Variants in LAMA3 observed in about 807,000 individuals in gnomAD.
LAMA3 encodes laminin subunit alpha 3.
In LAMA3, 281 loss-of-function variants were observed where a neutral mutation model predicts 402.0. The observed-to-expected ratio is 0.70, with a 90% CI of 0.63 to 0.77. The LOEUF (loss-of-function observed/expected upper bound fraction) is 0.77. Among genes scored for constraint, LAMA3 ranks in the 30% least tolerant of loss-of-function variants. The probability of loss-of-function intolerance (pLI) is 0.00; values close to 1 mark genes in which losing one functional copy is unlikely to be tolerated. For missense variants in LAMA3, 3,840 were observed against 4,215.5 expected (o/e 0.91, Z 2.47); for synonymous variants, 1,431 against 1,558.4 (o/e 0.92, Z 1.93).
At chr18:23,744,515 G>A (rs1385011766) in intron 2 of LAMA3, among the ~76,000 whole-genome samples, 1 of 151,984 alleles carries the variant, frequency 6.6e-6, no homozygotes, top group African/African-American at 2.4e-5. Flanking sequence ...GCTAGAGTTG[G>A]GATTTTTAAG....
intron 12 of LAMA3, among the ~76,000 whole-genome samples, chr18:23,800,773 A>G (rs966006920): frequency 1.3e-5 from 2 of 152,188 alleles, no homozygotes; most frequent in Non-Finnish European, 2.9e-5. Context: ...GAGTGAGAAC[A>G]TGCAGAATTT....
At chr18:23,880,603 G>A (rs1346243027) in intron 39 of LAMA3, among the ~76,000 whole-genome samples, 4 of 152,196 alleles carry the variant, frequency 2.6e-5, no homozygotes, top group Non-Finnish European at 5.9e-5. Context: ...TCATGGCTGG[G>A]CGCGATGGCT....
Position 23,889,951 on chromosome 18 carries a change from T to C in LAMA3, c.5304-60T>C, listed in dbSNP as rs552881611. 2.7e-4 allele frequency: 337 copies of C among 1,253,100 alleles called. 6 individuals are homozygous for C. In the South Asian group the frequency reaches 3.6e-3, roughly 13 times the overall value. 77.6% of individuals were successfully genotyped at this position (1,253,100 alleles called of 1,614,324 possible). A position where few individuals can be genotyped will look rare whatever the true frequency, so the allele number is the denominator to read the frequency against. On this transcript the variant is annotated intron_variant, in intron 41 of 74. Transcript: ENST00000313654. ...AACAGAGAGCTAGAGATTGAGAAAA[T>C]TGGTTGAGATAAACGATGAGTTATT...
At chr18:23,944,025 A>G in intron 69 of LAMA3, 54 bp downstream of exon 69, 2 of 1,559,676 alleles carry the variant, frequency 1.3e-6, no homozygotes, top group Non-Finnish European at 1.8e-6. Context: ...TCACTGTTGG[A>G]GTCGCTGAAA....
chr18:23,904,710 A>G lies in LAMA3; in HGVS notation c.6615+16A>G, dbSNP rs1568324740. The G allele has an allele frequency of 6.2e-7, 1 of 1,613,626 alleles. No homozygotes were observed. The highest frequency in any genetic ancestry group is 1.3e-5 in the African/African-American group (1 of 75,062). On this transcript the variant is annotated intron_variant, in intron 51 of 74. Coordinates refer to ENST00000313654, the MANE Select transcript of LAMA3 (RefSeq NM_198129.4). The stretch of plus-strand genomic sequence containing the variant: ...TGCCCTCCAGGTGGGCACCTGTACC[A>G]GCAGCTTCTCCACATTCGCTGTGGA...
chr18:23,908,132 T>C lies in LAMA3; in HGVS notation c.7015+197T>C, dbSNP rs184669737. Among the ~76,000 whole-genome samples, 80 of 152,348 alleles carry C rather than the reference T, an allele frequency of 5.3e-4. 1 individual carries two copies. The highest frequency in any genetic ancestry group is 1.3e-3 in the Admixed American group (20 of 15,302). On this transcript the variant is annotated intron_variant, in intron 54 of 74. Transcript: ENST00000313654. ...AGGACCAGACAGGATTTTTAATTTT[T>C]AGAAAATACATTGAAAATGCTATTG...
chr18:23,796,127 G>A (rs1339655536), intron 12 of LAMA3: 1 of 425,874 alleles, frequency 2.3e-6, no homozygotes, highest in South Asian at 1.7e-5. Context: ...CAGAACTGGA[G>A]AAATAAATTT....
intron 1 of LAMA3, among the ~76,000 whole-genome samples, chr18:23,702,325 T>C (rs1284567888): frequency 6.6e-6 from 1 of 152,176 alleles, no homozygotes; most frequent in Non-Finnish European, 1.5e-5. Context: ...TAAAGGAAGC[T>C]TCTTTCTTCT....
At chr18:23,715,666 G>A (rs1451444688) in intron 2 of LAMA3, among the ~76,000 whole-genome samples, 1 of 152,164 alleles carries the variant, frequency 6.6e-6, no homozygotes, top group Non-Finnish European at 1.5e-5. Flanking sequence ...GTAAACAGCA[G>A]GAAGAAGACT....
At chr18:23,936,927 G>A (rs1403795499) in intron 67 of LAMA3, among the ~76,000 whole-genome samples, 1 of 152,222 alleles carries the variant, frequency 6.6e-6, no homozygotes, top group Non-Finnish European at 1.5e-5. Flanking sequence ...TCTATAGTCA[G>A]TGTAACGTCA....
intron 30 of LAMA3, among the ~76,000 whole-genome samples, chr18:23,846,022 T>C (rs917165632): frequency 6.6e-6 from 1 of 152,188 alleles, no homozygotes; most frequent in African/African-American, 2.4e-5. Flanking sequence ...AACATATAGT[T>C]CATCTTTTAG....
chr18:23,829,106 T>C (rs2063444035), intron 23 of LAMA3, among the ~76,000 whole-genome samples: 1 of 152,218 alleles, frequency 6.6e-6, no homozygotes, highest in African/African-American at 2.4e-5. Context: ...AGACACTAAC[T>C]GACTATATAC....
At position 23,695,796 on chromosome 18, in the gene LAMA3, C is replaced by CAAA. The variant is rs58873998; in HGVS notation, c.294+5857_294+5859dup. On this transcript the variant is annotated intron_variant, in intron 1 of 74. Coordinates refer to ENST00000313654, the MANE Select transcript of LAMA3 (RefSeq NM_198129.4). ...TGGGTGACACAGCAAGACTCCATCTCAAAAAAAAAAAAAAAAAAAAAAAAA... is the reference window on the plus strand; with the variant it reads ...TGGGTGACACAGCAAGACTCCATCTCAAAAAAAAAAAAAAAAAAAAAAAAAAAA... 7.0e-4 allele frequency among the ~76,000 whole-genome samples: 27 copies of CAAA among 38,640 alleles called. 5 individuals carry two copies. Among genetic ancestry groups the CAAA allele is most frequent in the South Asian group, 1.8e-3 (1 of 544 alleles). 25.3% of individuals were successfully genotyped at this position (38,640 alleles called of 152,430 possible).
chr18:23,909,095 G>A, intron 54 of LAMA3, 58 bp from the exon 55 acceptor site: 1 of 1,507,440 alleles, frequency 6.6e-7, no homozygotes, highest in South Asian at 1.1e-5. Context: ...AAGAACATTT[G>A]TAGTTAGCCT....
In LAMA3 at chr18:23,953,099, AG is replaced by A. The variant is rs1555756067; in HGVS notation, c.9848del (p.Gly3283ValfsTer6). On this transcript the variant is annotated frameshift_variant, in exon 74 of 75. Coordinates refer to ENST00000313654, the MANE Select transcript of LAMA3 (RefSeq NM_198129.4). LOFTEE classifies it high-confidence loss of function. ...GCACTCAAGAGCCACTACACCTTGG[AG>A]GTGCTCCAGGTAACTCTTGTCCTGA... ...ASTQEPLHLGGAPANLTTLRI... is the reference protein window; with the variant it reads ...ASTQEPLHLGXAPANLTTLRI... 1.2e-6 allele frequency: 2 copies of A among 1,614,036 alleles called. No individual in the cohort carries two copies. The highest frequency in any genetic ancestry group is 1.7e-6 in the Non-Finnish European group (2 of 1,179,904).
At chr18:23,819,731 T>C in intron 18 of LAMA3, 110 bp from the exon 19 acceptor site, 1 of 931,706 alleles carries the variant, frequency 1.1e-6, no homozygotes. Context: ...TTATTTAATG[T>C]ACTCTGTCAA....
At chr18:23,950,211 G>A in intron 72 of LAMA3, 52 bp downstream of exon 72, 4 of 1,610,270 alleles carry the variant, frequency 2.5e-6, no homozygotes, top group Non-Finnish European at 3.4e-6. Flanking sequence ...CAGCTTCAAT[G>A]TCTGGAGGCC....
chr18:23,864,491 G>A (rs1456690754), intron 35 of LAMA3, among the ~76,000 whole-genome samples: 1 of 152,206 alleles, frequency 6.6e-6, no homozygotes, highest in South Asian at 2.1e-4. Flanking sequence ...GCTTCCCAAA[G>A]TGTGGGATTA....
Position 23,824,572 on chromosome 18 carries a change from C to T in LAMA3, c.2571+7C>T. ...GGCAGAAGGAGTCCTTCTGGTAAGACTTAGTTCTGAATGGAGAGCTCCTGC... is the reference window on the plus strand; with the variant it reads ...GGCAGAAGGAGTCCTTCTGGTAAGATTTAGTTCTGAATGGAGAGCTCCTGC... On this transcript the variant is annotated splice_region_variant and intron_variant, in intron 21 of 74. Transcript: ENST00000313654. 2 of 1,613,866 alleles carry T rather than the reference C, an allele frequency of 1.2e-6. No homozygotes were observed. The highest frequency in any genetic ancestry group is 1.3e-5 in the African/African-American group (1 of 75,040).
Sources: gnomAD v4.1 joint callset for allele counts (sites outside exome capture counted in the v4.1 genomes callset) on GRCh38, gnomAD v4.1.1 for gene constraint, MANE v1.5 for transcripts, NCBI Gene and HGNC (gene_info 2026-07-23, HGNC 2026-07-21) for gene names.